Variants in CADM2 observed in about 807,000 individuals in gnomAD.
CADM2 encodes the protein cell adhesion molecule 2.
A neutral mutation model predicts 49.8 loss-of-function variants in CADM2; 12 were observed. The ratio of observed to expected loss-of-function variants is 0.24; its 90% CI spans 0.15 to 0.39. The LOEUF is 0.39. Among genes scored for constraint, CADM2 ranks in the 10% least tolerant of loss-of-function variants. CADM2 has a pLI of 1.00. For synonymous variants in CADM2, 214 were observed against 175.4 expected (o/e 1.22, Z -1.74); for missense variants, 378 against 492.3 (o/e 0.77, Z 2.20).
Position 85,809,786 on chromosome 3 carries a change from C to T in CADM2, c.238+7590C>T, listed in dbSNP as rs67672600. 8.1e-4 allele frequency among the ~76,000 whole-genome samples: 67 copies of T among 82,322 alleles called. 6 individuals carry two copies. Among genetic ancestry groups the T allele is most frequent in the African/African-American group, 2.7e-3 (46 of 16,858 alleles). The allele number at this position is 82,322 out of a possible 152,430, so 54.0% of individuals were successfully genotyped here. On this transcript the variant is annotated intron_variant, in intron 3 of 9. Coordinates refer to ENST00000383699, the MANE Select transcript of CADM2 (RefSeq NM_001167675.2). ...TCCCTCTCTCTCTCTCTCTCTCTCT[C>T]TCTCTCTTTCTTTCTTTCTTTCTTT...
At chr3:85,194,161 G>A (rs762021280) in intron 1 of CADM2, among the ~76,000 whole-genome samples, 1 of 152,010 alleles carries the variant, frequency 6.6e-6, no homozygotes, top group African/African-American at 2.4e-5. Flanking sequence ...AGAAGGAAGC[G>A]CTTTTGCAAA....
intron 1 of CADM2, among the ~76,000 whole-genome samples, chr3:85,050,196 T>C (rs544959058): frequency 2.6e-5 from 4 of 152,134 alleles, no homozygotes; most frequent in East Asian, 1.9e-4. Context: ...ATAACTCCTG[T>C]AGGAATTCAG....
At chr3:85,755,638 A>C (rs891232752) in intron 2 of CADM2, among the ~76,000 whole-genome samples, 1 of 152,136 alleles carries the variant, frequency 6.6e-6, no homozygotes, top group Non-Finnish European at 1.5e-5. Flanking sequence ...AAACTCAATC[A>C]TGGTGGAAGG....
chr3:85,930,598 C>T (rs911952715), intron 6 of CADM2, among the ~76,000 whole-genome samples: 4 of 152,084 alleles, frequency 2.6e-5, no homozygotes, highest in Non-Finnish European at 1.5e-5. Context: ...ACCTCCCTCT[C>T]AAACCCCCAG....
intron 1 of CADM2, among the ~76,000 whole-genome samples, chr3:85,167,214 A>G (rs1476253246): frequency 6.6e-6 from 1 of 152,020 alleles, no homozygotes; most frequent in Admixed American, 6.6e-5. Context: ...AAGGAGATTT[A>G]AATGGTTTTC....
chr3:85,269,500 T>C (rs2043189081), intron 1 of CADM2, among the ~76,000 whole-genome samples: 1 of 151,564 alleles, frequency 6.6e-6, no homozygotes, highest in East Asian at 1.9e-4. Context: ...AATCTGAGTA[T>C]CTGTGGAAAA....
At chr3:85,561,386 G>A (rs1302996826) in intron 1 of CADM2, among the ~76,000 whole-genome samples, 1 of 152,118 alleles carries the variant, frequency 6.6e-6, no homozygotes, top group Non-Finnish European at 1.5e-5. Context: ...TTTGATGTTC[G>A]ATTTGAGGAT....
chr3:85,508,737 T>C (rs1406538988), intron 1 of CADM2, among the ~76,000 whole-genome samples: 6 of 152,118 alleles, frequency 3.9e-5, no homozygotes, highest in East Asian at 1.9e-4. Context: ...TTTAGGACTT[T>C]AGAGATTTTA....
intron 3 of CADM2, among the ~76,000 whole-genome samples, chr3:85,867,795 G>A (rs1035253096): frequency 5.9e-5 from 9 of 152,044 alleles, no homozygotes; most frequent in African/African-American, 1.9e-4. Context: ...GATAAAAACA[G>A]TGAATCGGCA....
intron 2 of CADM2, among the ~76,000 whole-genome samples, chr3:85,768,284 T>A (rs1475738223): frequency 6.6e-6 from 1 of 151,472 alleles, no homozygotes; most frequent in Non-Finnish European, 1.5e-5. Context: ...CCATCTCTAC[T>A]AAAATAGAAA....
intron 1 of CADM2, among the ~76,000 whole-genome samples, chr3:85,190,002 C>T (rs114031418): frequency 3.7e-3 from 488 of 131,514 alleles, no homozygotes; most frequent in African/African-American, 0.013. Context: ...GAACCTAGCA[C>T]TGTTTTCCCT....
At chr3:84,971,967 T>C (rs1376330136) in intron 1 of CADM2, among the ~76,000 whole-genome samples, 1 of 152,060 alleles carries the variant, frequency 6.6e-6, no homozygotes, top group Admixed American at 6.6e-5. Flanking sequence ...GTGAGATTGG[T>C]CTGGTGCAGG....
chr3:85,963,482 G>T (rs1725091972), intron 8 of CADM2, among the ~76,000 whole-genome samples: 1 of 151,872 alleles, frequency 6.6e-6, no homozygotes, highest in Non-Finnish European at 1.5e-5. Context: ...TTTAGATCAT[G>T]CAGTCATGTA....
chr3:85,528,325 CGCACACTCACAT>C (rs1316604578), intron 1 of CADM2, among the ~76,000 whole-genome samples: 7 of 104,342 alleles, frequency 6.7e-5, no homozygotes, highest in Non-Finnish European at 1.7e-4. Flanking sequence ...AGCATACTCA[CGCACACTCACAT>C]GCACACGTGC....
At chr3:85,985,282 C>A (rs1025989404) in intron 8 of CADM2, among the ~76,000 whole-genome samples, 2 of 151,944 alleles carry the variant, frequency 1.3e-5, no homozygotes, top group African/African-American at 4.8e-5. Flanking sequence ...GGCAGAGCAG[C>A]TCTCTGGAGC....
chr3:85,496,405 G>C (rs895094537), intron 1 of CADM2, among the ~76,000 whole-genome samples: 1 of 152,096 alleles, frequency 6.6e-6, no homozygotes, highest in African/African-American at 2.4e-5. Context: ...AGCGTTCCAT[G>C]GTGTATATGT....
At chr3:85,479,739 T>A (rs998779435) in intron 1 of CADM2, among the ~76,000 whole-genome samples, 6 of 151,946 alleles carry the variant, frequency 3.9e-5, no homozygotes, top group Admixed American at 3.9e-4. Flanking sequence ...ATTATTTAGC[T>A]AAGTGGTGCT....
At chr3:86,015,611 GCCAAACAA>G (rs1732126876) in intron 8 of CADM2, among the ~76,000 whole-genome samples, 1 of 152,136 alleles carries the variant, frequency 6.6e-6, no homozygotes, top group African/African-American at 2.4e-5. Context: ...TTGTGAGCTC[GCCAAACAA>G]GGATTTCAGT....
At chr3:85,422,875 T>C (rs2036238520) in intron 1 of CADM2, among the ~76,000 whole-genome samples, 1 of 151,998 alleles carries the variant, frequency 6.6e-6, no homozygotes, top group South Asian at 2.1e-4. Context: ...TACAATGCTC[T>C]TTTAGCCCTG....
Sources: gnomAD v4.1 joint callset for allele counts (sites outside exome capture counted in the v4.1 genomes callset) on GRCh38, gnomAD v4.1.1 for gene constraint, MANE v1.5 for transcripts, NCBI Gene and HGNC (gene_info 2026-07-23, HGNC 2026-07-21) for gene names.